Variants in KRT8 observed in about 807,000 individuals in gnomAD.
KRT8 encodes the protein keratin, type II cytoskeletal 8.
KRT8 carries 24 observed loss-of-function variants against 43.0 expected under a neutral mutation model. The observed-to-expected ratio is 0.56, with a 90% CI of 0.40 to 0.78. The LOEUF is 0.78. Among genes scored for constraint, KRT8 ranks in the 30% least tolerant of loss-of-function variants. KRT8 has a pLI of 0.00. For synonymous variants in KRT8, 214 were observed against 261.2 expected, an observed-to-expected ratio of 0.82 and a Z score of 1.74; for missense variants, 492 against 638.4, an observed-to-expected ratio of 0.77 and a Z score of 2.47.
chr12:52,903,877 A>T (rs1248113402), intron 1 of KRT8, among the ~76,000 whole-genome samples: 1 of 25,752 alleles, frequency 3.9e-5, no homozygotes, highest in East Asian at 1.4e-3. Flanking sequence ...ACCCCACCCC[A>T]CCCCACCCAC....
At chr12:52,944,815 T>G (rs946048545) in intron 2 of KRT8, among the ~76,000 whole-genome samples, 2 of 152,168 alleles carry the variant, frequency 1.3e-5, no homozygotes, top group Non-Finnish European at 2.9e-5. Context: ...GCCCAAGCCC[T>G]GAGAACCCGT....
chr12:52,945,812 C>T (rs902967658), intron 2 of KRT8, among the ~76,000 whole-genome samples: 1 of 152,120 alleles, frequency 6.6e-6, no homozygotes. Context: ...CTCACCAGGG[C>T]CCCTCCTGCT....
chr12:52,901,229 A>AAAGAC lies in KRT8; in HGVS notation c.534-15_534-11dup, dbSNP rs1437856105. 1.9e-6 allele frequency: 3 copies of AAAGAC among 1,600,666 alleles called. No individual in the cohort carries two copies. Among genetic ancestry groups the AAAGAC allele is most frequent in the Non-Finnish European group, 2.6e-6 (3 of 1,169,094 alleles). On this transcript the variant is annotated splice_polypyrimidine_tract_variant and intron_variant, in intron 2 of 7. Coordinates refer to ENST00000692008, the Ensembl canonical transcript of KRT8. Reference sequence around the variant, plus strand: ...GATCTCATCCTCATACCTGTGAGGAAAAGACTTACAATTAGAGGATGAAGG... The same window carrying AAAGAC: ...GATCTCATCCTCATACCTGTGAGGAAAAGACAAGACTTACAATTAGAGGATGAAGG...
At chr12:52,906,017 GT>G (rs1294822844), upstream of KRT8, among the ~76,000 whole-genome samples, 1 of 152,200 alleles carries the variant, frequency 6.6e-6, no homozygotes, top group African/African-American at 2.4e-5. Flanking sequence ...GGAGGCAGAG[GT>G]TGCAGTGAGC....
intron 1 of KRT8, among the ~76,000 whole-genome samples, chr12:52,903,106 C>A (rs1426175747): frequency 6.6e-6 from 1 of 152,134 alleles, no homozygotes; most frequent in Non-Finnish European, 1.5e-5. Flanking sequence ...CTCTGCAAAT[C>A]GCTTTCTTCC....
chr12:52,908,932 G>A (rs558130727), upstream of KRT8, among the ~76,000 whole-genome samples: 35 of 152,262 alleles, frequency 2.3e-4, no homozygotes, highest in East Asian at 3.9e-3. Flanking sequence ...CCTGAGCCCC[G>A]AAAGTTGAGG....
chr12:52,907,011 CA>C, upstream of KRT8: 190 of 284,856 alleles, frequency 6.7e-4, no homozygotes, highest in South Asian at 2.0e-3. Context: ...CACACACACA[CA>C]CCCCACACAT....
chr12:52,897,882 T>C (rs1055732752), intron 7 of KRT8, among the ~76,000 whole-genome samples: 15 of 152,142 alleles, frequency 9.9e-5, no homozygotes, highest in Non-Finnish European at 1.3e-4. Context: ...CGTTTACAGG[T>C]GTCATATAAA....
At chr12:52,902,670 A>G (rs899761989) in intron 1 of KRT8, among the ~76,000 whole-genome samples, 8 of 151,918 alleles carry the variant, frequency 5.3e-5, no homozygotes, top group East Asian at 2.0e-4. Flanking sequence ...TTATAGGCGT[A>G]AGCCACCGCG....
At chr12:52,915,577 G>A (rs976590166) in intron 2 of KRT8, among the ~76,000 whole-genome samples, 4 of 151,926 alleles carry the variant, frequency 2.6e-5, no homozygotes, top group Admixed American at 6.6e-5. Flanking sequence ...GAGCATGGTG[G>A]TGCATGCCTG....
chr12:52,898,387 C>T, intron 7 of KRT8, 74 bp downstream of exon 7: 4 of 1,309,160 alleles, frequency 3.1e-6, no homozygotes, highest in South Asian at 2.5e-5. Context: ...CGACTGAGCA[C>T]AGCCCCCTCC....
At chr12:52,915,892 C>T (rs1335827061) in intron 2 of KRT8, among the ~76,000 whole-genome samples, 1 of 152,066 alleles carries the variant, frequency 6.6e-6, no homozygotes, top group Admixed American at 6.5e-5. Context: ...ACTACCTGGC[C>T]AAAGTCTACC....
At chr12:52,922,294 C>A (rs1941904522) in intron 2 of KRT8, among the ~76,000 whole-genome samples, 1 of 151,554 alleles carries the variant, frequency 6.6e-6, no homozygotes, top group African/African-American at 2.4e-5. Context: ...CACCTTATAC[C>A]TCCCTCTCTC....
At chr12:52,909,699 G>T (rs1176299197), upstream of KRT8, among the ~76,000 whole-genome samples, 3 of 152,160 alleles carry the variant, frequency 2.0e-5, no homozygotes, top group Non-Finnish European at 2.9e-5. Context: ...CATCTGCTAG[G>T]GTTTGAATTA....
chr12:52,940,738 G>C (rs894747877), intron 2 of KRT8, among the ~76,000 whole-genome samples: 8 of 148,952 alleles, frequency 5.4e-5, no homozygotes, highest in African/African-American at 2.0e-4. Flanking sequence ...CAATTCTCTT[G>C]CCTCAGCCTC....
intron 2 of KRT8, among the ~76,000 whole-genome samples, chr12:52,914,364 G>C (rs1941694964): frequency 6.6e-6 from 1 of 151,852 alleles, no homozygotes; most frequent in Admixed American, 6.6e-5. Context: ...TGGAGAAACT[G>C]TCCTTACTAA....
chr12:52,942,802 T>C (rs370675954), intron 2 of KRT8, among the ~76,000 whole-genome samples: 6 of 152,200 alleles, frequency 3.9e-5, no homozygotes, highest in African/African-American at 1.2e-4. Context: ...TGTTGGGATC[T>C]CAAGACCACT....
At chr12:52,899,691 C>T in intron 5 of KRT8, 84 bp downstream of exon 5, 11 of 1,289,174 alleles carry the variant, frequency 8.5e-6, no homozygotes, top group Non-Finnish European at 1.2e-5. Context: ...TTCCCCGACT[C>T]CCAGAAACTT....
intron 2 of KRT8, among the ~76,000 whole-genome samples, chr12:52,940,676 A>T (rs959381281): frequency 7.0e-5 from 10 of 143,108 alleles, no homozygotes; most frequent in African/African-American, 2.6e-4. Context: ...CCCAGGCTGG[A>T]GTGCAGTTGC....
Sources: allele counts gnomAD v4.1 joint callset (sites outside exome capture counted in the v4.1 genomes callset), GRCh38; gene constraint gnomAD v4.1.1; transcripts MANE v1.5; gene names NCBI Gene and HGNC (gene_info 2026-07-23, HGNC 2026-07-21).